The following RAB27A variants were observed in gnomAD, a reference collection of about 807,000 sequenced individuals.
RAB27A encodes ras-related protein Rab-27A.
In RAB27A, 17 loss-of-function variants were observed where a neutral mutation model predicts 20.8. That is an observed-to-expected ratio of 0.82 (90% CI 0.56 to 1.23). The LOEUF (loss-of-function observed/expected upper bound fraction) is 1.23, where lower values mean the gene tolerates loss of function less well. RAB27A is among the 50% of genes most tolerant of loss of function. The pLI, the probability that RAB27A is intolerant of heterozygous loss-of-function variation, is 0.00. For missense variants in RAB27A, 277 were observed against 266.7 expected (o/e 1.04, Z -0.27); for synonymous variants, 85 against 92.8 (o/e 0.92, Z 0.48).
chr15:55,271,783 G>T (rs1595738635), intron 1 of RAB27A, among the ~76,000 whole-genome samples: 1 of 151,924 alleles, frequency 6.6e-6, no homozygotes, highest in East Asian at 1.9e-4. Context: ...TCTAGGAGAA[G>T]CTACGCTTTC....
chr15:55,297,146 T>A (rs2054952886), intron 2 of RAB27A, among the ~76,000 whole-genome samples: 1 of 152,220 alleles, frequency 6.6e-6, no homozygotes, highest in South Asian at 2.1e-4. Context: ...TACCAGAGGC[T>A]CAAAGCCAGA....
intron 1 of RAB27A, among the ~76,000 whole-genome samples, chr15:55,315,767 A>C (rs926676926): frequency 1.3e-5 from 2 of 152,226 alleles, no homozygotes; most frequent in African/African-American, 4.8e-5. Flanking sequence ...GATGCTGGTG[A>C]GGCTGTGGAG....
At chr15:55,207,257 A>T (rs1191486014) in intron 6 of RAB27A, among the ~76,000 whole-genome samples, 1 of 152,218 alleles carries the variant, frequency 6.6e-6, no homozygotes, top group Admixed American at 6.5e-5. Flanking sequence ...AAATTGAAAC[A>T]TGCATGCACT....
At chr15:55,216,574 G>C (rs1895315772) in intron 6 of RAB27A, among the ~76,000 whole-genome samples, 1 of 151,854 alleles carries the variant, frequency 6.6e-6, no homozygotes, top group African/African-American at 2.4e-5. Context: ...TCCCAAAAAA[G>C]CAATGTCACT....
At chr15:55,272,185 G>A (rs1273117871) in intron 1 of RAB27A, among the ~76,000 whole-genome samples, 1 of 152,136 alleles carries the variant, frequency 6.6e-6, no homozygotes, top group Non-Finnish European at 1.5e-5. Context: ...TATTCCTGTA[G>A]GGGGAGATCG....
intron 2 of RAB27A, among the ~76,000 whole-genome samples, chr15:55,245,030 C>T (rs1336730207): frequency 1.3e-5 from 2 of 152,136 alleles, no homozygotes; most frequent in Non-Finnish European, 2.9e-5. Flanking sequence ...GAAGAGAAGT[C>T]ACATGGCATG....
rs1371621117 is a variant in RAB27A at position 55,205,296 on chromosome 15, T to C, written c.*211A>G. 6.6e-6 allele frequency: 4 copies of C among 610,412 alleles called. No individual in the cohort carries two copies. In the Admixed American group the frequency reaches 1.2e-4, roughly 18 times the overall value. The allele number at this position is 610,412 out of a possible 1,614,324, so 37.8% of individuals were successfully genotyped here. A position where few individuals can be genotyped will look rare whatever the true frequency, so the allele number is the denominator to read the frequency against. On this transcript the variant is annotated 3_prime_UTR_variant, in exon 7 of 7. Transcript: ENST00000336787. ...AAGGCACTTTTGGCTCTGAAATATT[T>C]CTCCTAACTCTCAGGCTGAATCTTA...
chr15:55,242,022 A>G (rs2141010812), intron 2 of RAB27A, among the ~76,000 whole-genome samples: 1 of 152,214 alleles, frequency 6.6e-6, no homozygotes, highest in South Asian at 2.1e-4. Flanking sequence ...ACACACAGAC[A>G]TATCACAGCC....
chr15:55,241,495 TA>T (rs1171549087), intron 2 of RAB27A, among the ~76,000 whole-genome samples: 1 of 151,266 alleles, frequency 6.6e-6, no homozygotes, highest in Non-Finnish European at 1.5e-5. Context: ...ATTTTTAAAA[TA>T]AAACATATTT....
intron 2 of RAB27A, among the ~76,000 whole-genome samples, chr15:55,304,022 G>T (rs896300183): frequency 2.0e-5 from 3 of 151,806 alleles, no homozygotes; most frequent in African/African-American, 7.3e-5. Flanking sequence ...GAATAGAAAG[G>T]CGGGAAAGGT....
At chr15:55,273,407 T>C (rs939922486) in intron 1 of RAB27A, among the ~76,000 whole-genome samples, 10 of 131,248 alleles carry the variant, frequency 7.6e-5, no homozygotes, top group African/African-American at 3.3e-4. Flanking sequence ...AGACTCCATC[T>C]CAAAAAAAAA....
Position 55,205,438 on chromosome 15 carries a change from C to T in RAB27A, c.*69G>A. Reference sequence around the variant, plus strand: ...CAATGCCCATTAATCTCTCACTGTGCCATGTATCAATCATAGAGAAGATCC... The same window carrying T: ...CAATGCCCATTAATCTCTCACTGTGTCATGTATCAATCATAGAGAAGATCC... On this transcript the variant is annotated 3_prime_UTR_variant, in exon 7 of 7. Coordinates refer to ENST00000336787, the MANE Select transcript of RAB27A (RefSeq NM_183235.3). The T allele has an allele frequency of 2.0e-6, 3 of 1,480,024 alleles. No individual in the cohort carries two copies. Among genetic ancestry groups the T allele is most frequent in the Non-Finnish European group, 2.8e-6 (3 of 1,058,888 alleles). 91.7% of individuals were successfully genotyped at this position (1,480,024 alleles called of 1,614,324 possible).
upstream of RAB27A, among the ~76,000 whole-genome samples, chr15:55,292,417 T>C (rs1261985465): frequency 2.0e-5 from 3 of 152,172 alleles, no homozygotes; most frequent in Non-Finnish European, 2.9e-5. Flanking sequence ...TAAGAATGGG[T>C]CTGAGAGGTC....
At chr15:55,210,141 G>GTATACACA (rs1566897019) in intron 6 of RAB27A, among the ~76,000 whole-genome samples, 166 of 106,532 alleles carry the variant, frequency 1.6e-3, no homozygotes, top group African/African-American at 7.9e-3. Flanking sequence ...GTGTATATAT[G>GTATACACA]TATGTGTATG....
At chr15:55,215,769 A>G (rs1895264246) in intron 6 of RAB27A, among the ~76,000 whole-genome samples, 1 of 150,772 alleles carries the variant, frequency 6.6e-6, no homozygotes. Context: ...CAAGACCAGA[A>G]ACCCCGTCTC....
Position 55,203,160 on chromosome 15 carries a change from TGC to T in RAB27A, c.*2345_*2346del, listed in dbSNP as rs1176909684. The T allele has an allele frequency of 6.6e-6, 1 of 152,242 alleles. No individual in the cohort carries two copies. Among genetic ancestry groups the T allele is most frequent in the African/African-American group, 2.4e-5 (1 of 41,464 alleles). The allele number at this position is 152,242 out of a possible 1,614,324, so 9.4% of individuals were successfully genotyped here. On this transcript the variant is annotated 3_prime_UTR_variant, in exon 7 of 7. Transcript: ENST00000336787. ...AATAATTAAAGGTGGCTTTTGTGTGTGCACTATATCATGTATACACTTAATTG... is the reference window on the plus strand; with the variant it reads ...AATAATTAAAGGTGGCTTTTGTGTGTACTATATCATGTATACACTTAATTG...
rs145083973 is a variant in RAB27A at position 55,283,275 on chromosome 15, G to T, written c.-143+6441C>A. 8.7e-4 allele frequency among the ~76,000 whole-genome samples: 132 copies of T among 152,284 alleles called. 1 individual carries two copies. Among genetic ancestry groups the T allele is most frequent in the Middle Eastern group, 6.8e-3 (2 of 294 alleles). On this transcript the variant is annotated intron_variant, in intron 1 of 6. Coordinates refer to ENST00000336787, the MANE Select transcript of RAB27A (RefSeq NM_183235.3). ...CCAGGCATTGCTAAATGTCCCATGT[G>T]GGGTGGGGCAGGGGAGAAAATCACC...
chr15:55,312,096 A>G (rs1174378833), intron 2 of RAB27A, among the ~76,000 whole-genome samples: 1 of 152,210 alleles, frequency 6.6e-6, no homozygotes, highest in Non-Finnish European at 1.5e-5. Context: ...ATTAGGACGA[A>G]CCCAGGCTCT....
At chr15:55,310,432 G>A (rs556089603) in intron 2 of RAB27A, among the ~76,000 whole-genome samples, 4 of 152,294 alleles carry the variant, frequency 2.6e-5, no homozygotes, top group African/African-American at 7.2e-5. Context: ...CTGACTCAGA[G>A]GACCTTCATC....
Sources: gnomAD v4.1 joint callset for allele counts (sites outside exome capture counted in the v4.1 genomes callset) on GRCh38, gnomAD v4.1.1 for gene constraint, MANE v1.5 for transcripts, NCBI Gene and HGNC (gene_info 2026-07-23, HGNC 2026-07-21) for gene names.